ZHX2: variants seen among roughly 807,000 people sequenced by gnomAD.
ZHX2 encodes the protein zinc fingers and homeoboxes protein 2.
In ZHX2, 6 loss-of-function variants were observed where a neutral mutation model predicts 21.9. The observed-to-expected ratio is 0.27, with a 90% CI of 0.15 to 0.54. The LOEUF (loss-of-function observed/expected upper bound fraction) is 0.54, where lower values mean the gene tolerates loss of function less well. Among genes scored for constraint, ZHX2 ranks in the 20% least tolerant of loss-of-function variants. The pLI is 0.95. For missense variants in ZHX2, 908 were observed against 1,090.7 expected (o/e 0.83, Z 2.36); for synonymous variants, 434 against 437.1 (o/e 0.99, Z 0.09).
intron 2 of ZHX2, among the ~76,000 whole-genome samples, chr8:122,866,655 T>C (rs914938140): frequency 3.3e-5 from 5 of 152,056 alleles, no homozygotes; most frequent in Admixed American, 6.5e-5. Context: ...ACAGATGGCA[T>C]GAGGGGATCA....
chr8:122,850,595 G>C (rs2130739276), intron 1 of ZHX2, among the ~76,000 whole-genome samples: 1 of 144,210 alleles, frequency 6.9e-6, no homozygotes, highest in South Asian at 2.2e-4. Flanking sequence ...AGCCGAGATT[G>C]CACCACTGCA....
At chr8:122,909,438 GAAA>G in intron 2 of ZHX2, among the ~76,000 whole-genome samples, 1 of 125,720 alleles carries the variant, frequency 8.0e-6, no homozygotes, top group East Asian at 2.3e-4. Context: ...GTCTCAAAAA[GAAA>G]AAAAAAAAAA....
chr8:122,851,193 A>C (rs180680859), intron 1 of ZHX2, among the ~76,000 whole-genome samples: 1 of 152,328 alleles, frequency 6.6e-6, no homozygotes, highest in Admixed American at 6.5e-5. Context: ...CAGAACGGCC[A>C]AGATTTATGG....
intron 2 of ZHX2, among the ~76,000 whole-genome samples, chr8:122,920,905 T>G (rs1820721360): frequency 6.6e-6 from 1 of 152,096 alleles, no homozygotes; most frequent in South Asian, 2.1e-4. Context: ...CACACCACAA[T>G]GCACAGCACC....
intron 1 of ZHX2, among the ~76,000 whole-genome samples, chr8:122,842,244 T>C (rs971096469): frequency 1.3e-5 from 2 of 152,224 alleles, no homozygotes; most frequent in African/African-American, 4.8e-5. Flanking sequence ...AGGCCTGGGA[T>C]TGAGAACATT....
chr8:122,951,457 C>T lies in ZHX2; in HGVS notation c.-54C>T. The T allele has an allele frequency of 6.7e-7, 1 of 1,485,268 alleles. No individual in the cohort carries two copies. The highest frequency in any genetic ancestry group is 1.3e-5 in the South Asian group (1 of 79,810). The allele number at this position is 1,485,268 out of a possible 1,614,324, so 92.0% of individuals were successfully genotyped here. A position where few individuals can be genotyped will look rare whatever the true frequency, so the allele number is the denominator to read the frequency against. Reference sequence around the variant, plus strand: ...CACCTTATTCGTTCCAAGAATCTCACCGCCCCCTCCTTATCCCCCTCCAAA... The same window carrying T: ...CACCTTATTCGTTCCAAGAATCTCATCGCCCCCTCCTTATCCCCCTCCAAA... On this transcript the variant is annotated 5_prime_UTR_variant, in exon 3 of 4. Coordinates refer to ENST00000314393, the MANE Select transcript of ZHX2 (RefSeq NM_014943.5).
intron 2 of ZHX2, among the ~76,000 whole-genome samples, chr8:122,925,676 G>A (rs1458241254): frequency 2.6e-5 from 4 of 152,276 alleles, no homozygotes; most frequent in East Asian, 3.9e-4. Context: ...AGAACAGCTC[G>A]AGCAAAGCCT....
At chr8:122,937,754 A>T (rs7825287) in intron 2 of ZHX2, among the ~76,000 whole-genome samples, 95,996 of 150,572 alleles carry the variant, frequency 0.64, 31,478 homozygotes, top group East Asian at 0.76. Flanking sequence ...AATTTTTGTA[A>T]TTTTAGTAGA....
chr8:122,866,524 A>T (rs897968223), intron 2 of ZHX2, among the ~76,000 whole-genome samples: 1 of 152,320 alleles, frequency 6.6e-6, no homozygotes, highest in South Asian at 2.1e-4. Flanking sequence ...CCAAAATTGT[A>T]TATGACACAA....
chr8:122,970,399 A>T (rs1813689935), intron 3 of ZHX2, among the ~76,000 whole-genome samples: 1 of 152,174 alleles, frequency 6.6e-6, no homozygotes, highest in Non-Finnish European at 1.5e-5. Context: ...CAGGGAGCGG[A>T]TGGGGGGGTC....
rs374001930 is a variant in ZHX2, at chr8:122,953,821, C to G, written c.2311C>G (p.Arg771Gly). 2.5e-6 allele frequency: 4 copies of G among 1,614,216 alleles called. No individual in the cohort carries two copies. The highest frequency in any genetic ancestry group is 2.5e-6 in the Non-Finnish European group (3 of 1,180,034). ...AAAGCCCTCAGAGGCCACCTCAGAC[C>G]GGTCAGAGGGCAGCAGCCGGGACGG... ...PAKPSEATSDRSEGSSRDGQG... is the reference protein window; with the variant it reads ...PAKPSEATSDGSEGSSRDGQG... Residue 771 changes from arginine (R) to glycine (G), a missense_variant, in exon 3 of 4, where the codon CGG becomes GGG. Physicochemically the swap from Arg to Gly is moderately radical, Grantham distance 125. Transcript: ENST00000314393. This position sits in a 1 kb window ranked among gnomAD's most constrained non-coding sequence, Gnocchi z 4.6.
In ZHX2 at chr8:122,872,335, C is replaced by T. The variant is rs187023280; in HGVS notation, c.-220+8796C>T. On this transcript the variant is annotated intron_variant, in intron 2 of 3. Transcript: ENST00000314393. ...CCCCATGTGCCACTCGTATGAAATT[C>T]ACTTTGCCCTCATGGACTAGATATG... is the stretch of plus-strand genomic sequence containing the variant. Among the ~76,000 whole-genome samples the T allele has an allele frequency of 2.4e-3, 365 of 152,322 alleles. 1 individual carries two copies. The highest frequency in any genetic ancestry group is 4.0e-3 in the Non-Finnish European group (273 of 68,024).
At chr8:122,919,453 C>T (rs1227699564) in intron 2 of ZHX2, among the ~76,000 whole-genome samples, 1 of 152,208 alleles carries the variant, frequency 6.6e-6, no homozygotes, top group Non-Finnish European at 1.5e-5. Flanking sequence ...GTACTCACTA[C>T]ATACTAAGTA....
intron 1 of ZHX2, among the ~76,000 whole-genome samples, chr8:122,812,296 C>T (rs1456211279): frequency 6.6e-6 from 1 of 152,228 alleles, no homozygotes. Context: ...ACGGTCAAGA[C>T]CTCATGCCTT....
At chr8:122,808,132 A>G (rs149391136) in intron 1 of ZHX2, among the ~76,000 whole-genome samples, 233 of 152,250 alleles carry the variant, frequency 1.5e-3, no homozygotes, top group African/African-American at 5.4e-3. Context: ...TACGCCTTTA[A>G]ATACTTTTAA....
chr8:122,941,724 A>G (rs1425323769), intron 2 of ZHX2, among the ~76,000 whole-genome samples: 1 of 152,096 alleles, frequency 6.6e-6, no homozygotes. Flanking sequence ...AGTGTGTTTC[A>G]GCCCAACCAG....
At chr8:122,787,968 C>T (rs1001787662) in intron 1 of ZHX2, among the ~76,000 whole-genome samples, 1 of 152,216 alleles carries the variant, frequency 6.6e-6, no homozygotes, top group Admixed American at 6.5e-5. Flanking sequence ...AAACACTCCT[C>T]AGCAGGCCTG....
chr8:122,950,003 A>G (rs888731241), intron 2 of ZHX2, among the ~76,000 whole-genome samples: 3 of 152,118 alleles, frequency 2.0e-5, no homozygotes, highest in Non-Finnish European at 2.9e-5. Context: ...AGTAGTATTT[A>G]CTACTGTAAA....
At chr8:122,864,980 G>A (rs940675335) in intron 2 of ZHX2, among the ~76,000 whole-genome samples, 4 of 152,192 alleles carry the variant, frequency 2.6e-5, no homozygotes, top group Admixed American at 6.5e-5. Context: ...GGAGGCCAGA[G>A]ACGGTGTTTT....
Sources: allele counts gnomAD v4.1 joint callset (sites outside exome capture counted in the v4.1 genomes callset), GRCh38; gene constraint gnomAD v4.1.1; non-coding constraint Gnocchi (gnomAD v3.1); transcripts MANE v1.5; gene names NCBI Gene and HGNC (gene_info 2026-07-23, HGNC 2026-07-21).